Variants in ARID2 observed in about 807,000 individuals in gnomAD.
ARID2 encodes AT-rich interaction domain 2.
Under a neutral mutation model 184.6 loss-of-function variants are expected in ARID2, and 32 were observed. That is an observed-to-expected ratio of 0.17 (90% CI 0.13 to 0.23). The LOEUF (loss-of-function observed/expected upper bound fraction) is 0.23. ARID2 is among the 10% of genes least tolerant of loss of function. The pLI, the probability that ARID2 is intolerant of heterozygous loss-of-function variation, is 1.00. For synonymous variants in ARID2, 836 were observed against 772.6 expected (o/e 1.08, Z -1.36); for missense variants, 1,696 against 2,197.6 (o/e 0.77, Z 4.56).
chr12:45,836,440 TC>T (rs1943221546), intron 6 of ARID2, 148 bp from the exon 7 acceptor site: 1 of 684,772 alleles, frequency 1.5e-6, no homozygotes, highest in African/African-American at 1.8e-5. Context: ...GGTCTCAAAC[TC>T]CCAGCTGCAA....
intron 16 of ARID2, among the ~76,000 whole-genome samples, chr12:45,880,086 A>T (rs911430987): frequency 2.0e-5 from 3 of 152,180 alleles, no homozygotes; most frequent in African/African-American, 7.2e-5. Context: ...TAGGGGTTTT[A>T]AGTAATATTT....
At chr12:45,903,542 T>G (rs952837384) in intron 20 of ARID2, among the ~76,000 whole-genome samples, 1 of 152,224 alleles carries the variant, frequency 6.6e-6, no homozygotes, top group Non-Finnish European at 1.5e-5. Context: ...TGTGATGGTA[T>G]GTATATATGG....
chr12:45,783,701 C>T lies in ARID2; in HGVS notation c.285-27717C>T, dbSNP rs150525039. Among the ~76,000 whole-genome samples the T allele has an allele frequency of 1.4e-3, 209 of 152,332 alleles. 1 individual carries two copies. The highest frequency in any genetic ancestry group is 4.8e-3 in the African/African-American group (201 of 41,576). Reference sequence around the variant, plus strand: ...ACTGCTGATCTGACAGGAGGTGGAGCGCAGTTTCGCTGGCTTGCCACTCAC... The same window carrying T: ...ACTGCTGATCTGACAGGAGGTGGAGTGCAGTTTCGCTGGCTTGCCACTCAC... On this transcript the variant is annotated intron_variant, in intron 3 of 20. Transcript: ENST00000334344.
At chr12:45,882,676 A>G (rs996067859) in intron 16 of ARID2, among the ~76,000 whole-genome samples, 3 of 152,242 alleles carry the variant, frequency 2.0e-5, no homozygotes, top group Admixed American at 6.5e-5. Flanking sequence ...TAAACTGCCA[A>G]TTTAGGTTGA....
intron 3 of ARID2, among the ~76,000 whole-genome samples, chr12:45,751,646 A>G (rs1941467018): frequency 6.6e-6 from 1 of 152,228 alleles, no homozygotes; most frequent in African/African-American, 2.4e-5. Context: ...TGAACAACGT[A>G]GAGTGTACTT....
chr12:45,847,397 T>G lies in ARID2; in HGVS notation c.1580+460T>G, dbSNP rs138014169. 7.0e-3 allele frequency among the ~76,000 whole-genome samples: 1,070 copies of G among 152,200 alleles called. 10 individuals are homozygous for G. Among genetic ancestry groups the G allele is most frequent in the African/African-American group, 0.024 (1,010 of 41,572 alleles). On this transcript the variant is annotated intron_variant, in intron 12 of 20. Transcript: ENST00000334344. ...TCTTATTCTTTAATAATTTTTGGGT[T>G]TGTAATAGTAGACGGACATTAATCA... is the stretch of plus-strand genomic sequence containing the variant.
intron 3 of ARID2, among the ~76,000 whole-genome samples, chr12:45,752,186 A>G (rs576773584): frequency 1.0e-3 from 152 of 152,274 alleles, no homozygotes; most frequent in Middle Eastern, 6.8e-3. Context: ...GTAATATCCT[A>G]GCATATGCAG....
chr12:45,834,695 A>C (rs1414720811), intron 6 of ARID2, among the ~76,000 whole-genome samples: 2 of 152,176 alleles, frequency 1.3e-5, no homozygotes, highest in Admixed American at 1.3e-4. Context: ...AGCTGAGATC[A>C]CGCCATTGCA....
chr12:45,832,423 G>A (rs1158671726), intron 6 of ARID2, among the ~76,000 whole-genome samples: 1 of 151,958 alleles, frequency 6.6e-6, no homozygotes, highest in African/African-American at 2.4e-5. Flanking sequence ...CGTAAAATTT[G>A]GAGAGTTTTT....
At chr12:45,739,438 CTTTT>C (rs71067906) in intron 3 of ARID2, among the ~76,000 whole-genome samples, 3 of 90,778 alleles carry the variant, frequency 3.3e-5, no homozygotes, top group Admixed American at 1.6e-4. Flanking sequence ...TATAAAGTTA[CTTTT>C]TTTTTTTTTT....
intron 6 of ARID2, among the ~76,000 whole-genome samples, chr12:45,822,046 T>G (rs1250694475): frequency 6.6e-6 from 1 of 152,200 alleles, no homozygotes; most frequent in African/African-American, 2.4e-5. Flanking sequence ...CTTCTTTTAT[T>G]TACTCTCCAA....
chr12:45,757,080 A>G (rs1331106497), intron 3 of ARID2, among the ~76,000 whole-genome samples: 7 of 152,154 alleles, frequency 4.6e-5, no homozygotes, highest in Non-Finnish European at 7.3e-5. Context: ...AATCATTATT[A>G]TAAGGAAAAG....
chr12:45,817,346 A>T (rs559148068), intron 4 of ARID2, among the ~76,000 whole-genome samples: 5 of 152,184 alleles, frequency 3.3e-5, no homozygotes, highest in African/African-American at 1.2e-4. Context: ...AGAGCCAGAC[A>T]TGTCTCAGAA....
chr12:45,769,949 T>C (rs1941837528), intron 3 of ARID2, among the ~76,000 whole-genome samples: 1 of 152,054 alleles, frequency 6.6e-6, no homozygotes, highest in African/African-American at 2.4e-5. Context: ...ATTCAGGAAA[T>C]CTGTCTTTGA....
rs2138153889 is a variant in ARID2 at position 45,848,824 on chromosome 12, C to T, written c.1581-12C>T. The stretch of plus-strand genomic sequence containing the variant: ...GTATATTGTATAATGCTTAATTTTT[C>T]TCCTCTTTTAGGCTAAATGCTCATT... On this transcript the variant is annotated splice_polypyrimidine_tract_variant and intron_variant, in intron 12 of 20. Transcript: ENST00000334344. 1 of 1,605,136 alleles carries T rather than the reference C, an allele frequency of 6.2e-7. No individual in the cohort carries two copies. The highest frequency in any genetic ancestry group is 2.2e-5 in the East Asian group (1 of 44,608).
At chr12:45,854,092 C>T (rs1943603072) in intron 15 of ARID2, among the ~76,000 whole-genome samples, 2 of 152,140 alleles carry the variant, frequency 1.3e-5, no homozygotes, top group Admixed American at 1.3e-4. Context: ...CAAGCCCTAT[C>T]GTGAACTGTG....
intron 20 of ARID2, among the ~76,000 whole-genome samples, chr12:45,903,278 G>A (rs1944481018): frequency 6.6e-6 from 1 of 152,062 alleles, no homozygotes; most frequent in Admixed American, 6.5e-5. Flanking sequence ...GGGCTATTAA[G>A]AGTAATGCTG....
rs1168089275 is a variant in ARID2, at chr12:45,730,038, C to T, written c.93-6C>T. The stretch of plus-strand genomic sequence containing the variant: ...TGACAAGTGCGGGGCTTTTTCTCTC[C>T]CGCAGGTCGCCTTTTAAAAAAATCC... On this transcript the variant is annotated splice_polypyrimidine_tract_variant and splice_region_variant and intron_variant, in intron 1 of 20. Transcript: ENST00000334344. 6.2e-7 allele frequency: 1 copy of T among 1,612,946 alleles called. No individual in the cohort carries two copies. The highest frequency in any genetic ancestry group is 1.1e-5 in the South Asian group (1 of 91,024).
intron 20 of ARID2, among the ~76,000 whole-genome samples, chr12:45,898,586 C>T (rs994225807): frequency 2.6e-5 from 4 of 152,054 alleles, no homozygotes; most frequent in African/African-American, 7.3e-5. Flanking sequence ...TGCACAATTC[C>T]GTGAATATAC....
Sources: gnomAD v4.1 joint callset for allele counts (sites outside exome capture counted in the v4.1 genomes callset) on GRCh38, gnomAD v4.1.1 for gene constraint, MANE v1.5 for transcripts, NCBI Gene and HGNC (gene_info 2026-07-23, HGNC 2026-07-21) for gene names.